The following PLCXD3 variants were observed in gnomAD, a reference collection of about 807,000 sequenced individuals.
PLCXD3 encodes phosphatidylinositol specific phospholipase C X domain containing 3.
Under a neutral mutation model 25.5 loss-of-function variants are expected in PLCXD3, and 19 were observed. The observed-to-expected ratio is 0.75, with a 90% CI of 0.52 to 1.09. The LOEUF (loss-of-function observed/expected upper bound fraction) is 1.09. Among genes scored for constraint, PLCXD3 ranks in the 50% least tolerant of loss-of-function variants. The probability of loss-of-function intolerance (pLI) is 0.00; values close to 1 mark genes in which losing one functional copy is unlikely to be tolerated. For missense variants in PLCXD3, 411 were observed against 388.1 expected (o/e 1.06, Z -0.50); for synonymous variants, 174 against 137.6 (o/e 1.26, Z -1.85).
intron 1 of PLCXD3, among the ~76,000 whole-genome samples, chr5:41,481,973 C>G (rs1429494485): frequency 1.3e-5 from 2 of 152,180 alleles, no homozygotes; most frequent in African/African-American, 2.4e-5. Context: ...ACCTAAGTAA[C>G]AGCATTTACA....
chr5:41,414,520 T>C (rs1214174371), intron 1 of PLCXD3, among the ~76,000 whole-genome samples: 1 of 152,214 alleles, frequency 6.6e-6, no homozygotes, highest in African/African-American at 2.4e-5. Flanking sequence ...TTTCTTTACC[T>C]GTATGATGAA....
intron 1 of PLCXD3, among the ~76,000 whole-genome samples, chr5:41,460,686 T>A (rs1372196850): frequency 1.1e-4 from 16 of 152,020 alleles, no homozygotes; most frequent in Admixed American, 1.0e-3. Flanking sequence ...TTGCCCTTTT[T>A]ACAACGTCAT....
intron 1 of PLCXD3, among the ~76,000 whole-genome samples, chr5:41,446,595 G>A (rs973467769): frequency 1.3e-5 from 2 of 149,506 alleles, no homozygotes; most frequent in Admixed American, 6.7e-5. Flanking sequence ...ACAACTCTAA[G>A]AAATAAATCA....
chr5:41,359,988 T>G (rs1349152543), intron 2 of PLCXD3, among the ~76,000 whole-genome samples: 1 of 152,214 alleles, frequency 6.6e-6, no homozygotes, highest in Non-Finnish European at 1.5e-5. Flanking sequence ...TAGGTTTGGA[T>G]GTTTAACACA....
chr5:41,329,799 A>G (rs1242292148), intron 2 of PLCXD3, among the ~76,000 whole-genome samples: 1 of 148,642 alleles, frequency 6.7e-6, no homozygotes, highest in African/African-American at 2.5e-5. Context: ...GATGTATTTA[A>G]TCTATTTTAT....
At chr5:41,401,056 G>C (rs550116736) in intron 1 of PLCXD3, among the ~76,000 whole-genome samples, 2 of 151,820 alleles carry the variant, frequency 1.3e-5, no homozygotes, top group South Asian at 4.2e-4. Flanking sequence ...TTTTTTTGAA[G>C]TGTTCATTCC....
At chr5:41,406,655 C>G (rs1315299564) in intron 1 of PLCXD3, among the ~76,000 whole-genome samples, 3 of 152,098 alleles carry the variant, frequency 2.0e-5, no homozygotes, top group African/African-American at 7.2e-5. Flanking sequence ...CTCTTCCATT[C>G]CATTGACAGT....
intron 1 of PLCXD3, among the ~76,000 whole-genome samples, chr5:41,453,026 A>G (rs919775552): frequency 5.9e-5 from 9 of 151,972 alleles, no homozygotes; most frequent in Non-Finnish European, 1.2e-4. Context: ...GAATATTTAA[A>G]ATCTACCCTC....
chr5:41,419,528 T>G (rs529853193), intron 1 of PLCXD3, among the ~76,000 whole-genome samples: 11 of 152,292 alleles, frequency 7.2e-5, no homozygotes, highest in South Asian at 2.1e-4. Context: ...AGATAGTATT[T>G]CTGCTCCATG....
At chr5:41,464,410 T>C (rs1747965094) in intron 1 of PLCXD3, among the ~76,000 whole-genome samples, 1 of 152,036 alleles carries the variant, frequency 6.6e-6, no homozygotes, top group Non-Finnish European at 1.5e-5. Context: ...AACGGTAGAA[T>C]GCATATGCTG....
intron 2 of PLCXD3, among the ~76,000 whole-genome samples, chr5:41,361,462 A>G (rs1217169922): frequency 6.6e-6 from 1 of 152,176 alleles, no homozygotes; most frequent in East Asian, 1.9e-4. Flanking sequence ...GTAGTTCTTG[A>G]AGCAAAAGTT....
chr5:41,479,024 T>C (rs914265715), intron 1 of PLCXD3, among the ~76,000 whole-genome samples: 13 of 151,974 alleles, frequency 8.6e-5, no homozygotes, highest in African/African-American at 3.1e-4. Context: ...CCCTAACACG[T>C]GGGGATTACA....
At chr5:41,394,411 A>C (rs1745934024) in intron 1 of PLCXD3, among the ~76,000 whole-genome samples, 1 of 152,178 alleles carries the variant, frequency 6.6e-6, no homozygotes, top group Admixed American at 6.5e-5. Context: ...AGTAAAGAAG[A>C]CCATAAAACA....
chr5:41,398,095 C>T lies in PLCXD3; in HGVS notation c.104-15561G>A, dbSNP rs534357675. ...ACATTGGAGGACTGTTAGGAAGGCACGTCTGTGTTTTGAAATGTGAGAAGA... is the reference window on the plus strand; with the variant it reads ...ACATTGGAGGACTGTTAGGAAGGCATGTCTGTGTTTTGAAATGTGAGAAGA... On this transcript the variant is annotated intron_variant, in intron 1 of 2. Transcript: ENST00000377801. 7.9e-5 allele frequency among the ~76,000 whole-genome samples: 12 copies of T among 152,220 alleles called. No homozygotes were observed. In the East Asian group the frequency reaches 1.4e-3, roughly 17 times the overall value.
At chr5:41,471,818 G>C (rs4051064) in intron 1 of PLCXD3, among the ~76,000 whole-genome samples, 1,688 of 23,442 alleles carry the variant, frequency 0.072, 350 homozygotes, top group African/African-American at 0.1. Flanking sequence ...CTCCCCTCCC[G>C]TCCCCTCCCC....
At chr5:41,505,650 C>T (rs1749038828) in intron 1 of PLCXD3, among the ~76,000 whole-genome samples, 1 of 152,274 alleles carries the variant, frequency 6.6e-6, no homozygotes, top group South Asian at 2.1e-4. Flanking sequence ...ACTAGCATTA[C>T]CAGATGAGCT....
At chr5:41,390,692 C>A (rs747685957) in intron 1 of PLCXD3, among the ~76,000 whole-genome samples, 1 of 151,896 alleles carries the variant, frequency 6.6e-6, no homozygotes, top group Admixed American at 6.6e-5. Context: ...CGTGCAAGGA[C>A]ACCAAGTAGT....
chr5:41,492,728 C>T (rs898103341), intron 1 of PLCXD3, among the ~76,000 whole-genome samples: 2 of 152,248 alleles, frequency 1.3e-5, no homozygotes, highest in African/African-American at 4.8e-5. Context: ...CGCATCAGCT[C>T]CTGAGCCTTC....
At chr5:41,384,476 G>C (rs1159989519) in intron 1 of PLCXD3, among the ~76,000 whole-genome samples, 1 of 151,886 alleles carries the variant, frequency 6.6e-6, no homozygotes, top group Non-Finnish European at 1.5e-5. Context: ...CTCAAAATAA[G>C]AGTTTAAAAA....
Sources: allele counts gnomAD v4.1 joint callset (sites outside exome capture counted in the v4.1 genomes callset), GRCh38; gene constraint gnomAD v4.1.1; transcripts MANE v1.5; gene names NCBI Gene and HGNC (gene_info 2026-07-23, HGNC 2026-07-21).